TBC1D21: variants seen among roughly 807,000 people sequenced by gnomAD.
TBC1D21 encodes male germ cell Rab GTPase-activating protein.
In TBC1D21, 38 loss-of-function variants were observed where a neutral mutation model predicts 46.0. The ratio of observed to expected loss-of-function variants is 0.83; its 90% CI spans 0.64 to 1.08. The LOEUF (loss-of-function observed/expected upper bound fraction) is 1.08. Among genes scored for constraint, TBC1D21 ranks in the 50% least tolerant of loss-of-function variants. TBC1D21 has a pLI of 0.00. For missense variants in TBC1D21, 415 were observed against 417.9 expected (o/e 0.99, Z 0.06); for synonymous variants, 151 against 157.2 (o/e 0.96, Z 0.29).
the TBC1D21 span, among the ~76,000 whole-genome samples, chr15:73,897,857 G>C: frequency 8.5e-5 from 13 of 152,192 alleles, no homozygotes; most frequent in Non-Finnish European, 1.9e-4. Flanking sequence ...GGGGAGCCTC[G>C]GGTTTCCCCG....
At chr15:73,892,320 G>C (rs546203686), downstream of TBC1D21, among the ~76,000 whole-genome samples, 1 of 152,332 alleles carries the variant, frequency 6.6e-6, no homozygotes, top group South Asian at 2.1e-4. Flanking sequence ...AGGGTTGAAA[G>C]AGCTATAACA....
the TBC1D21 span, among the ~76,000 whole-genome samples, chr15:73,895,273 C>T: frequency 0.1 from 15,187 of 152,210 alleles, 1,002 homozygotes; most frequent in South Asian, 0.2. Context: ...CAAGGAAGTC[C>T]TCACAGTGAG....
the TBC1D21 span, among the ~76,000 whole-genome samples, chr15:73,898,876 A>ATAT: frequency 1.1e-4 from 7 of 63,024 alleles, no homozygotes; most frequent in African/African-American, 3.6e-4. Context: ...AAAAAAAAAA[A>ATAT]AAAAATATAT....
At chr15:73,887,569 C>T (rs1176879314) in intron 8 of TBC1D21, 51 bp from the exon 9 acceptor site, 2 of 1,524,508 alleles carry the variant, frequency 1.3e-6, no homozygotes, top group Admixed American at 3.3e-5. Context: ...ATCCTCAGGG[C>T]ATCTGCAGTC....
chr15:73,885,744 GT>G (rs1329794011), intron 6 of TBC1D21, among the ~76,000 whole-genome samples: 1 of 151,696 alleles, frequency 6.6e-6, no homozygotes, highest in Non-Finnish European at 1.5e-5. Flanking sequence ...ACACTATTGT[GT>G]GAGGGAAGAA....
intron 8 of TBC1D21, 36 bp from the exon 9 acceptor site, chr15:73,887,584 A>G (rs756966253): frequency 1.1e-5 from 18 of 1,591,706 alleles, no homozygotes; most frequent in Non-Finnish European, 1.6e-5. Flanking sequence ...GCAGTCTCAG[A>G]CCACAGGGCC....
At chr15:73,900,189 T>C in the TBC1D21 span, among the ~76,000 whole-genome samples, 7 of 152,134 alleles carry the variant, frequency 4.6e-5, no homozygotes, top group African/African-American at 1.7e-4. Flanking sequence ...AAAGCCAACA[T>C]ATAATTCCGG....
chr15:73,908,965 C>A, the TBC1D21 span, among the ~76,000 whole-genome samples: 2 of 152,226 alleles, frequency 1.3e-5, no homozygotes, highest in African/African-American at 4.8e-5. Context: ...AGGCAGAGTG[C>A]CTGCACTGCC....
At chr15:73,901,479 G>A in the TBC1D21 span, among the ~76,000 whole-genome samples, 2 of 152,224 alleles carry the variant, frequency 1.3e-5, no homozygotes, top group African/African-American at 4.8e-5. Flanking sequence ...TGCTTCCCAG[G>A]TGTATTGTTT....
At chr15:73,888,698 ACTC>A (rs1021207409) in intron 10 of TBC1D21, among the ~76,000 whole-genome samples, 185 bp downstream of exon 10, 2 of 60,932 alleles carry the variant, frequency 3.3e-5, no homozygotes, top group Non-Finnish European at 6.9e-5. Flanking sequence ...TCCTCCTCGT[ACTC>A]CTCCTCTTCT....
chr15:73,889,174 G>A lies in TBC1D21; in HGVS notation c.*73G>A. ...AGGCCAGGGGCACTGGAGTGAGGGAGTAGATAAAACAGCTGCAATATAAAC... is the reference window on the plus strand; with the variant it reads ...AGGCCAGGGGCACTGGAGTGAGGGAATAGATAAAACAGCTGCAATATAAAC... On this transcript the variant is annotated 3_prime_UTR_variant, in exon 11 of 11. Coordinates refer to ENST00000300504, the MANE Select transcript of TBC1D21 (RefSeq NM_153356.3). The A allele has an allele frequency of 6.5e-7, 1 of 1,534,316 alleles. No homozygotes were observed.
At chr15:73,892,881 C>CGGTGAT (rs1359478849), downstream of TBC1D21, among the ~76,000 whole-genome samples, 2 of 152,222 alleles carry the variant, frequency 1.3e-5, no homozygotes, top group South Asian at 2.1e-4. Context: ...GTGATGATGG[C>CGGTGAT]GGTGATGGTG....
chr15:73,890,212 G>A (rs1006821797), downstream of TBC1D21, among the ~76,000 whole-genome samples: 1 of 152,132 alleles, frequency 6.6e-6, no homozygotes, highest in Non-Finnish European at 1.5e-5. Context: ...GGCACTCTTA[G>A]TGACCATCAC....
intron 1 of TBC1D21, among the ~76,000 whole-genome samples, chr15:73,879,677 AT>A: frequency 6.6e-6 from 1 of 152,318 alleles, no homozygotes; most frequent in South Asian, 2.1e-4. Context: ...TTGTACGCCA[AT>A]TTAATTTTGA....
chr15:73,893,315 G>A (rs187901061), downstream of TBC1D21, among the ~76,000 whole-genome samples: 2 of 152,246 alleles, frequency 1.3e-5, no homozygotes, highest in African/African-American at 2.4e-5. Context: ...AATGAGCAAG[G>A]CCTAGACATA....
intron 1 of TBC1D21, 120 bp from the exon 2 acceptor site, chr15:73,881,279 G>A (rs900518339): frequency 2.7e-5 from 18 of 674,682 alleles, no homozygotes; most frequent in East Asian, 1.3e-4. Context: ...ATAGATTTCC[G>A]AAGTAAGTCA....
the TBC1D21 span, among the ~76,000 whole-genome samples, chr15:73,896,969 T>C: frequency 6.6e-6 from 1 of 152,180 alleles, no homozygotes; most frequent in Non-Finnish European, 1.5e-5. Context: ...TGTCAAGAAA[T>C]AGCCCATGAT....
At chr15:73,908,812 C>T in the TBC1D21 span, among the ~76,000 whole-genome samples, 2 of 152,316 alleles carry the variant, frequency 1.3e-5, no homozygotes, top group East Asian at 3.9e-4. Context: ...GGCTGTGATG[C>T]CTTGTAAGTC....
intron 1 of TBC1D21, 88 bp downstream of exon 1, chr15:73,873,857 T>A: frequency 6.8e-7 from 1 of 1,460,556 alleles, no homozygotes; most frequent in Non-Finnish European, 9.4e-7. Context: ...TAGGAAAAGC[T>A]AGAACCCTGA....
Sources: gnomAD v4.1 joint callset for allele counts (sites outside exome capture counted in the v4.1 genomes callset) on GRCh38, gnomAD v4.1.1 for gene constraint, MANE v1.5 for transcripts, NCBI Gene and HGNC (gene_info 2026-07-23, HGNC 2026-07-21) for gene names.